RBFOX1: variants seen among roughly 807,000 people sequenced by gnomAD.
The protein encoded by RBFOX1 is RNA binding fox-1 homolog 1, also known as RNA binding protein fox-1 homolog 1.
A neutral mutation model predicts 57.7 loss-of-function variants in RBFOX1; 8 were observed. The observed-to-expected ratio is 0.14, with a 90% CI of 0.08 to 0.25. The LOEUF (loss-of-function observed/expected upper bound fraction) is 0.25. Ranked by LOEUF, RBFOX1 falls within the 10% of genes least tolerant of loss-of-function variation. RBFOX1 has a pLI of 1.00. For synonymous variants in RBFOX1, 326 were observed against 222.4 expected (o/e 1.47, Z -4.15); for missense variants, 611 against 548.5 (o/e 1.11, Z -1.14).
At chr16:5,315,106 G>A (rs1160698758) in intron 1 of RBFOX1, among the ~76,000 whole-genome samples, 1 of 152,150 alleles carries the variant, frequency 6.6e-6, no homozygotes, top group African/African-American at 2.4e-5. Context: ...TATGAATCAT[G>A]ATGGAACCAT....
At chr16:7,536,763 G>A (rs1389156253) in intron 5 of RBFOX1, among the ~76,000 whole-genome samples, 1 of 152,190 alleles carries the variant, frequency 6.6e-6, no homozygotes, top group African/African-American at 2.4e-5. Flanking sequence ...AACAGGACAG[G>A]GATGCCATGG....
Position 5,520,418 on chromosome 16 carries a change from C to T in RBFOX1, c.258+53164C>T, listed in dbSNP as rs749594406. On this transcript the variant is annotated intron_variant, in intron 2 of 2. Transcript: ENST00000585867. ...ACTCATTTAGATGGCTAACTCACCC[C>T]CTGTCTTCTCAGCCACCATTCAGAC... 4.6e-5 allele frequency among the ~76,000 whole-genome samples: 7 copies of T among 152,310 alleles called. No individual in the cohort carries two copies. The South Asian group carries it at 8.3e-4, about 18-fold the overall frequency.
intron 3 of RBFOX1, among the ~76,000 whole-genome samples, chr16:6,904,824 G>A (rs373850149): frequency 7.2e-5 from 11 of 152,174 alleles, no homozygotes; most frequent in South Asian, 2.1e-4. Context: ...CAAAGTGGCT[G>A]ATTTTGTTAG....
intron 4 of RBFOX1, among the ~76,000 whole-genome samples, chr16:7,128,201 GAATAATA>G (rs1318069659): frequency 2.0e-5 from 3 of 152,114 alleles, no homozygotes; most frequent in Non-Finnish European, 4.4e-5. Flanking sequence ...TTCTTTCAAA[GAATAATA>G]GCATGTATTA....
intron 4 of RBFOX1, among the ~76,000 whole-genome samples, chr16:7,078,094 C>G (rs1347592717): frequency 3.3e-5 from 5 of 152,164 alleles, no homozygotes; most frequent in Admixed American, 6.5e-5. Flanking sequence ...GCTCCTCCTC[C>G]TCTTTGGCTC....
chr16:7,344,017 T>C (rs965998214), intron 4 of RBFOX1, among the ~76,000 whole-genome samples: 3 of 152,028 alleles, frequency 2.0e-5, no homozygotes, highest in Admixed American at 6.6e-5. Context: ...CTTGAGTGTT[T>C]TCTATATAGG....
chr16:5,899,989 G>T (rs1376363186), intron 4 of RBFOX1, among the ~76,000 whole-genome samples: 1 of 152,128 alleles, frequency 6.6e-6, no homozygotes, highest in Non-Finnish European at 1.5e-5. Context: ...GAGATGGGAG[G>T]ATTGCTTGAA....
At chr16:6,735,397 T>C (rs149528979) in intron 3 of RBFOX1, among the ~76,000 whole-genome samples, 6,323 of 152,264 alleles carry the variant, frequency 0.042, 167 homozygotes, top group Middle Eastern at 0.068. Context: ...CTTTTAAGGA[T>C]TGGAAAATTG....
chr16:6,044,298 G>A (rs924550448), intron 1 of RBFOX1, among the ~76,000 whole-genome samples: 1 of 152,164 alleles, frequency 6.6e-6, no homozygotes, highest in African/African-American at 2.4e-5. Flanking sequence ...GAAGCCAAGT[G>A]AAATTTCCAC....
intron 4 of RBFOX1, among the ~76,000 whole-genome samples, chr16:7,495,111 C>A (rs2068185170): frequency 6.6e-6 from 1 of 152,046 alleles, no homozygotes; most frequent in East Asian, 1.9e-4. Flanking sequence ...AAGATAATTG[C>A]CTCCAGCTGC....
Position 5,498,727 on chromosome 16 carries a change from T to C in RBFOX1, c.258+31473T>C, listed in dbSNP as rs192969068. 2.7e-3 allele frequency among the ~76,000 whole-genome samples: 412 copies of C among 152,350 alleles called. 1 individual carries two copies. The highest frequency in any genetic ancestry group is 4.8e-3 in the Non-Finnish European group (327 of 68,038). On this transcript the variant is annotated intron_variant, in intron 2 of 2. Transcript: ENST00000585867. ...TGATCTCTTATTTCCCAGCAGAAAT[T>C]ATCTGATAGGCAGTTGCAGCTTACA...
chr16:6,998,901 C>G (rs183125620), intron 3 of RBFOX1, among the ~76,000 whole-genome samples: 1 of 151,760 alleles, frequency 6.6e-6, no homozygotes, highest in Admixed American at 6.6e-5. Flanking sequence ...CTGAGTTTCA[C>G]TCTATCACCC....
intron 4 of RBFOX1, among the ~76,000 whole-genome samples, chr16:7,480,203 A>T (rs1749560709): frequency 6.6e-6 from 1 of 152,140 alleles, no homozygotes; most frequent in South Asian, 2.1e-4. Flanking sequence ...GGGTGAGGGG[A>T]TGTTCGTCTT....
Position 6,488,825 on chromosome 16 carries a change from C to G in RBFOX1, c.-63-165778C>G, listed in dbSNP as rs111491022. 1.3e-3 allele frequency among the ~76,000 whole-genome samples: 197 copies of G among 152,224 alleles called. 2 individuals carry two copies. The highest frequency in any genetic ancestry group is 4.5e-3 in the African/African-American group (185 of 41,534). ...CTCCTGCAAAACAAAAACAAATTAC[C>G]TGGCCCCAAACCAACAGTGCCACAG... On this transcript the variant is annotated intron_variant, in intron 2 of 15. Transcript: ENST00000550418.
At chr16:7,000,471 T>G (rs903147348) in intron 3 of RBFOX1, among the ~76,000 whole-genome samples, 1 of 152,170 alleles carries the variant, frequency 6.6e-6, no homozygotes, top group African/African-American at 2.4e-5. Context: ...AATTGCATTC[T>G]TTCTTCTTTA....
chr16:6,045,664 A>C (rs1345491209), intron 1 of RBFOX1, among the ~76,000 whole-genome samples: 1 of 152,244 alleles, frequency 6.6e-6, no homozygotes, highest in Non-Finnish European at 1.5e-5. Context: ...GTAGAAATAG[A>C]TTAACTCAAC....
chr16:7,168,798 T>C (rs1243849371), intron 4 of RBFOX1, among the ~76,000 whole-genome samples: 2 of 152,192 alleles, frequency 1.3e-5, no homozygotes, highest in Non-Finnish European at 2.9e-5. Context: ...ATTTTGCCAA[T>C]AAACTGTTAT....
intron 1 of RBFOX1, among the ~76,000 whole-genome samples, chr16:6,070,339 G>A (rs962624782): frequency 1.3e-5 from 2 of 152,168 alleles, no homozygotes; most frequent in African/African-American, 4.8e-5. Context: ...TTAGCGTTGA[G>A]CATTTTAAAA....
At chr16:6,266,074 C>T (rs1016334816) in intron 1 of RBFOX1, among the ~76,000 whole-genome samples, 1 of 152,088 alleles carries the variant, frequency 6.6e-6, no homozygotes, top group Admixed American at 6.6e-5. Flanking sequence ...GCTAATGAAA[C>T]GTGGGGGAAG....
Sources: gnomAD v4.1 joint callset for allele counts (sites outside exome capture counted in the v4.1 genomes callset) on GRCh38, gnomAD v4.1.1 for gene constraint, MANE v1.5 for transcripts, NCBI Gene and HGNC (gene_info 2026-07-23, HGNC 2026-07-21) for gene names.